Variants in ANTXR1 observed in about 807,000 individuals in gnomAD.
ANTXR1 encodes ANTXR cell adhesion molecule 1.
In ANTXR1, 19 loss-of-function variants were observed where a neutral mutation model predicts 78.1. The ratio of observed to expected loss-of-function variants is 0.24; its 90% CI spans 0.17 to 0.36. The LOEUF (loss-of-function observed/expected upper bound fraction) is 0.36, where lower values mean the gene tolerates loss of function less well. ANTXR1 is among the 10% of genes least tolerant of loss of function. The probability of loss-of-function intolerance (pLI) is 1.00; values close to 1 mark genes in which losing one functional copy is unlikely to be tolerated. For synonymous variants in ANTXR1, 273 were observed against 260.5 expected, an observed-to-expected ratio of 1.05 and a Z score of -0.46; for missense variants, 518 against 718.6, an observed-to-expected ratio of 0.72 and a Z score of 3.19.
chr2:69,109,022 C>A (rs1671896651), intron 10 of ANTXR1, among the ~76,000 whole-genome samples: 1 of 152,172 alleles, frequency 6.6e-6, no homozygotes, highest in African/African-American at 2.4e-5. Context: ...TGGAGCCAGA[C>A]CACCAGGGAA....
At chr2:69,221,338 TTA>T (rs2104510719) in intron 17 of ANTXR1, among the ~76,000 whole-genome samples, 1 of 152,332 alleles carries the variant, frequency 6.6e-6, no homozygotes, top group South Asian at 2.1e-4. Flanking sequence ...GTTGGGGGGC[TTA>T]TTAGCTCATA....
chr2:69,051,965 C>G (rs148474486), intron 3 of ANTXR1, among the ~76,000 whole-genome samples: 3 of 151,866 alleles, frequency 2.0e-5, no homozygotes, highest in Admixed American at 2.0e-4. Flanking sequence ...TTTTTACTTT[C>G]GTTGATATTT....
intron 17 of ANTXR1, among the ~76,000 whole-genome samples, chr2:69,217,668 T>C (rs1224750901): frequency 1.3e-5 from 2 of 152,108 alleles, no homozygotes; most frequent in African/African-American, 4.8e-5. Context: ...TTGTTATTAT[T>C]AAAAGAAAAT....
intron 12 of ANTXR1, among the ~76,000 whole-genome samples, chr2:69,143,774 C>T (rs1214850021): frequency 6.6e-6 from 1 of 152,032 alleles, no homozygotes; most frequent in Non-Finnish European, 1.5e-5. Context: ...AAGATGACCT[C>T]CTAGGGCATG....
chr2:69,182,682 A>G (rs771711079), intron 16 of ANTXR1, 22 bp downstream of exon 16: 4 of 1,614,122 alleles, frequency 2.5e-6, no homozygotes, highest in Non-Finnish European at 3.4e-6. Flanking sequence ...TACTCAAAAA[A>G]TCTATCATCA....
At chr2:69,069,779 A>G (rs1670511435) in intron 3 of ANTXR1, among the ~76,000 whole-genome samples, 1 of 152,140 alleles carries the variant, frequency 6.6e-6, no homozygotes, top group Non-Finnish European at 1.5e-5. Context: ...ATTTTTTCCT[A>G]TCCAAAAGAG....
intron 11 of ANTXR1, 54 bp from the exon 12 acceptor site, chr2:69,124,511 C>A: frequency 6.6e-7 from 1 of 1,504,398 alleles, no homozygotes; most frequent in Non-Finnish European, 9.3e-7. Context: ...GGCTCTCAGC[C>A]TGTTGCTCAT....
chr2:69,063,876 C>T (rs899033394), intron 3 of ANTXR1, among the ~76,000 whole-genome samples: 10 of 151,788 alleles, frequency 6.6e-5, no homozygotes, highest in African/African-American at 2.4e-4. Flanking sequence ...TATTATAATT[C>T]GCAGAGCAAC....
chr2:69,055,662 T>C (rs1558744989), intron 3 of ANTXR1, among the ~76,000 whole-genome samples: 1 of 152,152 alleles, frequency 6.6e-6, no homozygotes, highest in African/African-American at 2.4e-5. Flanking sequence ...AAAATGTGCA[T>C]GCATGTGTAT....
chr2:69,121,421 G>T (rs1018683331), intron 10 of ANTXR1, among the ~76,000 whole-genome samples: 1 of 152,166 alleles, frequency 6.6e-6, no homozygotes, highest in African/African-American at 2.4e-5. Context: ...ATAAACAAAT[G>T]ACCTGGAATA....
chr2:69,213,536 C>T (rs1487384341), intron 17 of ANTXR1, among the ~76,000 whole-genome samples: 1 of 152,206 alleles, frequency 6.6e-6, no homozygotes, highest in Non-Finnish European at 1.5e-5. Context: ...CAAGATGCAA[C>T]AGATATCTTC....
At chr2:69,132,975 A>G (rs1275579842) in intron 12 of ANTXR1, among the ~76,000 whole-genome samples, 2 of 152,216 alleles carry the variant, frequency 1.3e-5, no homozygotes, top group Non-Finnish European at 2.9e-5. Flanking sequence ...AGGTACCCTA[A>G]AATTCCCCAC....
chr2:69,233,586 C>T (rs1675680593), intron 17 of ANTXR1, among the ~76,000 whole-genome samples: 1 of 151,848 alleles, frequency 6.6e-6, no homozygotes, highest in East Asian at 1.9e-4. Context: ...AAATATCTAT[C>T]AATAGGGTTA....
chr2:69,062,839 GA>G (rs1217450315), intron 3 of ANTXR1, among the ~76,000 whole-genome samples: 1 of 151,966 alleles, frequency 6.6e-6, no homozygotes, highest in Non-Finnish European at 1.5e-5. Flanking sequence ...AGGAAAAGGT[GA>G]ATACAATGGG....
intron 17 of ANTXR1, among the ~76,000 whole-genome samples, chr2:69,234,158 T>A (rs906404934): frequency 6.6e-6 from 1 of 152,192 alleles, no homozygotes; most frequent in African/African-American, 2.4e-5. Context: ...AAGATAGACT[T>A]ATAAGATCAA....
chr2:69,074,390 A>C (rs1023139070), intron 6 of ANTXR1, among the ~76,000 whole-genome samples: 2 of 152,242 alleles, frequency 1.3e-5, no homozygotes, highest in African/African-American at 2.4e-5. Flanking sequence ...TGAAACTAAA[A>C]TAAATGATGG....
At chr2:69,058,164 C>T (rs1670121227) in intron 3 of ANTXR1, among the ~76,000 whole-genome samples, 1 of 152,180 alleles carries the variant, frequency 6.6e-6, no homozygotes, top group African/African-American at 2.4e-5. Context: ...CAGCAAGTTA[C>T]CCAGAAGATT....
chr2:69,241,993 TC>T (rs2104533101), intron 17 of ANTXR1, among the ~76,000 whole-genome samples: 1 of 152,194 alleles, frequency 6.6e-6, no homozygotes, highest in South Asian at 2.1e-4. Context: ...AGCTTGCCCC[TC>T]CCCTCTGGCT....
At chr2:69,214,160 T>C (rs1225262562) in intron 17 of ANTXR1, among the ~76,000 whole-genome samples, 2 of 152,234 alleles carry the variant, frequency 1.3e-5, no homozygotes, top group African/African-American at 4.8e-5. Context: ...CATTTCTGGG[T>C]CCTGTGAAGA....
Sources: allele counts gnomAD v4.1 joint callset (sites outside exome capture counted in the v4.1 genomes callset), GRCh38; gene constraint gnomAD v4.1.1; transcripts MANE v1.5; gene names NCBI Gene and HGNC (gene_info 2026-07-23, HGNC 2026-07-21).